Variants in HIBADH observed in about 807,000 individuals in gnomAD.
The protein encoded by HIBADH is 3-hydroxyisobutyrate dehydrogenase.
HIBADH carries 25 observed loss-of-function variants against 36.1 expected under a neutral mutation model. That is an observed-to-expected ratio of 0.69 (90% confidence interval 0.50 to 0.97). The LOEUF is 0.97. Ranked by LOEUF, HIBADH falls within the 50% of genes least tolerant of loss-of-function variation. The pLI is 0.00. For missense variants in HIBADH, 421 were observed against 418.0 expected, an observed-to-expected ratio of 1.01 and a Z score of -0.06; for synonymous variants, 160 against 149.5, an observed-to-expected ratio of 1.07 and a Z score of -0.51.
chr7:27,544,358 C>T (rs571206968), intron 4 of HIBADH, among the ~76,000 whole-genome samples: 2 of 152,300 alleles, frequency 1.3e-5, no homozygotes, highest in Admixed American at 6.5e-5. Flanking sequence ...GCCAAACAAT[C>T]TTGGAAGAGT....
intron 4 of HIBADH, among the ~76,000 whole-genome samples, chr7:27,607,958 G>C (rs1785259508): frequency 1.3e-5 from 2 of 152,100 alleles, no homozygotes; most frequent in Admixed American, 1.3e-4. Flanking sequence ...GGTCACTTAA[G>C]AACAAGTACT....
chr7:27,614,164 T>C (rs902470811), intron 4 of HIBADH, among the ~76,000 whole-genome samples: 6 of 152,240 alleles, frequency 3.9e-5, no homozygotes, highest in African/African-American at 1.4e-4. Flanking sequence ...TATGTTTTTC[T>C]AAATTCTAAA....
intron 1 of HIBADH, among the ~76,000 whole-genome samples, chr7:27,658,477 C>T (rs555048910): frequency 1.1e-4 from 16 of 152,230 alleles, no homozygotes; most frequent in Middle Eastern, 3.4e-3. Context: ...TCCAATGTAA[C>T]AAGGGGAGTT....
intron 4 of HIBADH, among the ~76,000 whole-genome samples, chr7:27,555,734 G>A (rs533476937): frequency 1.3e-4 from 20 of 152,174 alleles, no homozygotes; most frequent in African/African-American, 4.3e-4. Flanking sequence ...ACTATGTCAA[G>A]AAGTTCAGGC....
intron 4 of HIBADH, among the ~76,000 whole-genome samples, chr7:27,614,063 T>C (rs980361731): frequency 2.4e-4 from 36 of 152,248 alleles, no homozygotes; most frequent in African/African-American, 8.0e-4. Flanking sequence ...TGTTTCTTTA[T>C]AGTGCCTAGA....
intron 2 of HIBADH, among the ~76,000 whole-genome samples, chr7:27,645,077 G>A (rs1048197015): frequency 1.4e-4 from 22 of 152,088 alleles, no homozygotes; most frequent in African/African-American, 3.9e-4. Flanking sequence ...AGATTTTTGC[G>A]TTGTTTCCAC....
chr7:27,531,472 A>C, intron 6 of HIBADH, 124 bp from the exon 7 acceptor site: 2 of 857,672 alleles, frequency 2.3e-6, no homozygotes, highest in South Asian at 4.6e-5. Context: ...AAATCTAAGC[A>C]GGTTGATACG....
intron 4 of HIBADH, among the ~76,000 whole-genome samples, chr7:27,624,554 G>A (rs1017215174): frequency 2.2e-4 from 34 of 152,190 alleles, no homozygotes; most frequent in African/African-American, 8.0e-4. Context: ...AATTCTGTAG[G>A]TAAGCACTTT....
intron 4 of HIBADH, among the ~76,000 whole-genome samples, chr7:27,619,083 C>T (rs954928828): frequency 6.6e-6 from 1 of 152,166 alleles, no homozygotes; most frequent in African/African-American, 2.4e-5. Flanking sequence ...CCACTGCTGC[C>T]ACCACTAGGG....
chr7:27,599,577 G>A (rs1344098244), intron 4 of HIBADH, among the ~76,000 whole-genome samples: 1 of 150,762 alleles, frequency 6.6e-6, no homozygotes, highest in Non-Finnish European at 1.5e-5. Context: ...AGCTACTGGG[G>A]AGGCTGAGGC....
intron 2 of HIBADH, among the ~76,000 whole-genome samples, chr7:27,641,445 T>C (rs773991451): frequency 2.6e-4 from 40 of 152,188 alleles, no homozygotes; most frequent in South Asian, 6.2e-4. Context: ...AACTCAAATA[T>C]ACGCTGAATT....
At chr7:27,574,463 T>C (rs1279374684) in intron 4 of HIBADH, among the ~76,000 whole-genome samples, 1 of 152,112 alleles carries the variant, frequency 6.6e-6, no homozygotes, top group Admixed American at 6.5e-5. Flanking sequence ...TTAGAAAATA[T>C]TTTTTCCAAG....
intron 4 of HIBADH, among the ~76,000 whole-genome samples, chr7:27,623,439 A>T (rs536928170): frequency 6.6e-6 from 1 of 152,296 alleles, no homozygotes; most frequent in East Asian, 1.9e-4. Context: ...AAGTCATCAA[A>T]ATCGGAATAA....
At chr7:27,617,038 A>T (rs923141482) in intron 4 of HIBADH, among the ~76,000 whole-genome samples, 2 of 152,162 alleles carry the variant, frequency 1.3e-5, no homozygotes, top group African/African-American at 2.4e-5. Context: ...GTGTTTATCA[A>T]GTCTACAGCA....
At chr7:27,528,868 T>A (rs913742649) in intron 7 of HIBADH, among the ~76,000 whole-genome samples, 2 of 152,178 alleles carry the variant, frequency 1.3e-5, no homozygotes, top group African/African-American at 4.8e-5. Context: ...GAGAAGTCAA[T>A]GTCTGTTTCC....
At chr7:27,577,014 A>C (rs909386927) in intron 4 of HIBADH, among the ~76,000 whole-genome samples, 2 of 152,178 alleles carry the variant, frequency 1.3e-5, no homozygotes, top group African/African-American at 4.8e-5. Context: ...CAAATTACTA[A>C]GGTTTATCTT....
chr7:27,529,198 A>G (rs1483995692), intron 7 of HIBADH, among the ~76,000 whole-genome samples: 2 of 152,206 alleles, frequency 1.3e-5, no homozygotes, highest in Non-Finnish European at 2.9e-5. Context: ...GTACAGGGAG[A>G]TTAATGTTGT....
chr7:27,602,520 CTT>C (rs1785148374), intron 4 of HIBADH, among the ~76,000 whole-genome samples: 1 of 152,070 alleles, frequency 6.6e-6, no homozygotes, highest in African/African-American at 2.4e-5. Context: ...TAAAAATAAA[CTT>C]GACTTTTCAT....
chr7:27,576,475 C>T (rs746075213), intron 4 of HIBADH, among the ~76,000 whole-genome samples: 2 of 152,154 alleles, frequency 1.3e-5, no homozygotes, highest in African/African-American at 2.4e-5. Context: ...GAAAAATCCA[C>T]ACTGTAATTT....
Sources: gnomAD v4.1 joint callset for allele counts (sites outside exome capture counted in the v4.1 genomes callset) on GRCh38, gnomAD v4.1.1 for gene constraint, MANE v1.5 for transcripts, NCBI Gene and HGNC (gene_info 2026-07-23, HGNC 2026-07-21) for gene names.